Variants in POU2F3 observed in about 807,000 individuals in gnomAD.
POU2F3 encodes the protein POU class 2 homeobox 3.
Under a neutral mutation model 59.2 loss-of-function variants are expected in POU2F3, and 23 were observed. That is an observed-to-expected ratio of 0.39 (90% CI 0.28 to 0.55). The LOEUF (loss-of-function observed/expected upper bound fraction) is 0.55. Among genes scored for constraint, POU2F3 ranks in the 20% least tolerant of loss-of-function variants. The pLI, the probability that POU2F3 is intolerant of heterozygous loss-of-function variation, is 0.66. For synonymous variants in POU2F3, 190 were observed against 214.6 expected (o/e 0.89, Z 1.00); for missense variants, 473 against 544.5 (o/e 0.87, Z 1.31).
chr11:120,279,655 C>T (rs143557891), intron 3 of POU2F3, among the ~76,000 whole-genome samples: 1 of 152,338 alleles, frequency 6.6e-6, no homozygotes, highest in East Asian at 1.9e-4. Flanking sequence ...GCCAGCCATG[C>T]TTGGTGCTTT....
intron 3 of POU2F3, among the ~76,000 whole-genome samples, chr11:120,297,931 T>C (rs1212770132): frequency 6.7e-6 from 1 of 148,680 alleles, no homozygotes; most frequent in Non-Finnish European, 1.5e-5. Context: ...ACACCATGCC[T>C]GGCTATTTTT....
chr11:120,302,377 C>G lies in POU2F3; in HGVS notation c.444+9C>G. 6.3e-7 allele frequency: 1 copy of G among 1,576,234 alleles called. No individual in the cohort carries two copies. The highest frequency in any genetic ancestry group is 8.7e-7 in the Non-Finnish European group (1 of 1,145,748). ...CGGGACTGGCATCCCAGGTAAACAA[C>G]CCCATTCTTCCTGTTTCCTCTAGGA... is the stretch of plus-strand genomic sequence containing the variant. On this transcript the variant is annotated intron_variant, in intron 6 of 12. Coordinates refer to ENST00000543440, the MANE Select transcript of POU2F3 (RefSeq NM_014352.4).
At chr11:120,278,379 A>G (rs895067726) in intron 3 of POU2F3, among the ~76,000 whole-genome samples, 1 of 152,138 alleles carries the variant, frequency 6.6e-6, no homozygotes, top group Admixed American at 6.5e-5. Flanking sequence ...ATTTCAGAAA[A>G]CATCTCCCGG....
chr11:120,301,461 A>G (rs1445161715), intron 5 of POU2F3: 1 of 181,928 alleles, frequency 5.5e-6, no homozygotes, highest in Non-Finnish European at 1.1e-5. Context: ...AAAGGTCAAC[A>G]TCAGCAGATG....
chr11:120,236,666 C>G (rs1160966109), upstream of POU2F3: 2 of 1,500,876 alleles, frequency 1.3e-6, no homozygotes, highest in Non-Finnish European at 1.8e-6. Context: ...GCTCAAAAAA[C>G]CGGTTTCATG....
chr11:120,292,520 T>C (rs1219575029), intron 3 of POU2F3, among the ~76,000 whole-genome samples: 2 of 152,196 alleles, frequency 1.3e-5, no homozygotes, highest in African/African-American at 4.8e-5. Context: ...ATTTCACTTA[T>C]TTAGGGGCAG....
intron 2 of POU2F3, among the ~76,000 whole-genome samples, chr11:120,247,028 G>C (rs1591372228): frequency 6.6e-6 from 1 of 152,292 alleles, no homozygotes; most frequent in African/African-American, 2.4e-5. Flanking sequence ...GATGTCAGTA[G>C]TCCCAGCTAG....
chr11:120,316,855 C>T (rs1317079162), intron 11 of POU2F3, among the ~76,000 whole-genome samples: 1 of 152,182 alleles, frequency 6.6e-6, no homozygotes, highest in Non-Finnish European at 1.5e-5. Context: ...CCTTTCTTTC[C>T]TCCTCTCTTC....
In POU2F3 at chr11:120,311,258, T is replaced by C. The variant is rs149192260; in HGVS notation, c.1068+1672T>C. ...GGATTTTCATAGGATATTGGCATGA[T>C]AATTTTCTCTTTTTTGAATGATCAC... On this transcript the variant is annotated intron_variant, in intron 10 of 12. Coordinates refer to ENST00000543440, the MANE Select transcript of POU2F3 (RefSeq NM_014352.4). Among the ~76,000 whole-genome samples the C allele has an allele frequency of 1.2e-3, 188 of 152,270 alleles. 1 individual carries two copies. The highest frequency in any genetic ancestry group is 4.2e-3 in the African/African-American group (176 of 41,544).
chr11:120,298,742 C>T (rs987106833), intron 4 of POU2F3, among the ~76,000 whole-genome samples: 1 of 152,156 alleles, frequency 6.6e-6, no homozygotes, highest in South Asian at 2.1e-4. Context: ...CACTCTGCCT[C>T]CCCTAAGGTT....
intron 2 of POU2F3, among the ~76,000 whole-genome samples, chr11:120,266,628 G>A (rs1591391862): frequency 1.3e-5 from 2 of 152,126 alleles, no homozygotes; most frequent in Non-Finnish European, 2.9e-5. Flanking sequence ...CATCGGAAAT[G>A]ATCTTTCCTC....
At chr11:120,248,296 G>T (rs1339810075) in intron 2 of POU2F3, among the ~76,000 whole-genome samples, 1 of 152,174 alleles carries the variant, frequency 6.6e-6, no homozygotes, top group Non-Finnish European at 1.5e-5. Context: ...GAATCAAACA[G>T]ACCTGGGATA....
At chr11:120,295,291 C>T (rs746390406) in intron 3 of POU2F3, among the ~76,000 whole-genome samples, 3 of 152,218 alleles carry the variant, frequency 2.0e-5, no homozygotes, top group Non-Finnish European at 4.4e-5. Context: ...CCTTATCTCT[C>T]CCTTGTGCAT....
At chr11:120,309,140 TCAGGCCCTGTGCTTGA>T (rs1043205147) in intron 9 of POU2F3, among the ~76,000 whole-genome samples, 6 of 152,052 alleles carry the variant, frequency 3.9e-5, no homozygotes, top group Non-Finnish European at 7.4e-5. Context: ...CTACTTTGTA[TCAGGCCCTGTGCTTGA>T]CAGTTTACAC....
intron 2 of POU2F3, among the ~76,000 whole-genome samples, chr11:120,257,838 A>T (rs1341174170): frequency 6.6e-6 from 1 of 152,202 alleles, no homozygotes; most frequent in Non-Finnish European, 1.5e-5. Flanking sequence ...TGAGCCAGGC[A>T]TTTTGGTGCA....
At chr11:120,297,916 A>G (rs1941233960) in intron 3 of POU2F3, among the ~76,000 whole-genome samples, 1 of 148,876 alleles carries the variant, frequency 6.7e-6, no homozygotes, top group African/African-American at 2.5e-5. Flanking sequence ...GACTATAGGC[A>G]TGTAACACCA....
At chr11:120,291,750 C>T (rs1223923701) in intron 3 of POU2F3, among the ~76,000 whole-genome samples, 2 of 152,084 alleles carry the variant, frequency 1.3e-5, no homozygotes, top group Admixed American at 1.3e-4. Context: ...AGCAAGCATA[C>T]TTACATGCTT....
chr11:120,276,938 A>C (rs1284534242), intron 3 of POU2F3, among the ~76,000 whole-genome samples: 1 of 152,146 alleles, frequency 6.6e-6, no homozygotes, highest in Non-Finnish European at 1.5e-5. Flanking sequence ...ACCTGAGGTC[A>C]GGAGTTCAAG....
chr11:120,304,339 A>AAAAGAAAG (rs368735249), intron 6 of POU2F3: 1 of 141,784 alleles, frequency 7.1e-6, no homozygotes, highest in Non-Finnish European at 1.5e-5. Context: ...TCAAAAAAAA[A>AAAAGAAAG]AAGAAGAAGA....
Sources: allele counts gnomAD v4.1 joint callset (sites outside exome capture counted in the v4.1 genomes callset), GRCh38; gene constraint gnomAD v4.1.1; transcripts MANE v1.5; gene names NCBI Gene and HGNC (gene_info 2026-07-23, HGNC 2026-07-21).